Variants in COMT observed in about 807,000 individuals in gnomAD.
COMT encodes the protein catechol O-methyltransferase.
Under a neutral mutation model 18.9 loss-of-function variants are expected in COMT, and 13 were observed. That is an observed-to-expected ratio of 0.69 (90% CI 0.45 to 1.09). The LOEUF (loss-of-function observed/expected upper bound fraction) is 1.09. COMT is among the 50% of genes least tolerant of loss of function. The pLI, the probability that COMT is intolerant of heterozygous loss-of-function variation, is 0.00. For synonymous variants in COMT, 150 were observed against 160.9 expected, an observed-to-expected ratio of 0.93 and a Z score of 0.51; for missense variants, 329 against 361.8, an observed-to-expected ratio of 0.91 and a Z score of 0.73.
At chr22:19,945,931 C>T (rs137931806) in intron 1 of COMT, among the ~76,000 whole-genome samples, 1,573 of 152,246 alleles carry the variant, frequency 0.01, 15 homozygotes, top group African/African-American at 0.035. Context: ...TCCCAAAGTA[C>T]TGGGATTACA....
chr22:19,953,972 GA>G (rs1942003655), intron 1 of COMT, among the ~76,000 whole-genome samples: 1 of 152,094 alleles, frequency 6.6e-6, no homozygotes, highest in Admixed American at 6.5e-5. Context: ...GAAGGGAGGG[GA>G]GGGGGCCCCG....
Position 19,968,743 on chromosome 22 carries a change from C to CG in COMT, c.*7_*8insG. ...CAGCGAAGCAGGGCCCTGACTGCCC[C>CG]CCCGGCCCCCCTCTCGGGCTCTCTC... On this transcript the variant is annotated 3_prime_UTR_variant, in exon 6 of 6. Transcript: ENST00000361682. 1.2e-6 allele frequency: 2 copies of CG among 1,607,958 alleles called. No individual in the cohort carries two copies. The highest frequency in any genetic ancestry group is 1.1e-5 in the South Asian group (1 of 90,822).
At chr22:19,963,513 G>A (rs1439637475) in intron 3 of COMT, 53 bp from the exon 4 acceptor site, 20 of 1,595,900 alleles carry the variant, frequency 1.3e-5, no homozygotes, top group African/African-American at 2.7e-5. Flanking sequence ...GGGGATCCAA[G>A]TTCCCCTCTC....
intron 1 of COMT, among the ~76,000 whole-genome samples, chr22:19,944,204 T>C (rs1941797207): frequency 6.6e-6 from 1 of 152,160 alleles, no homozygotes; most frequent in Non-Finnish European, 1.5e-5. Context: ...TGGTAAGGGC[T>C]GACGTGTAGG....
intron 2 of COMT, 67 bp from the exon 3 acceptor site, chr22:19,962,460 C>G: frequency 6.5e-7 from 1 of 1,547,562 alleles, no homozygotes; most frequent in Non-Finnish European, 8.7e-7. Context: ...GCACTCCAAG[C>G]AAAGGGGCGT....
At chr22:19,945,205 C>T (rs1941816667) in intron 1 of COMT, among the ~76,000 whole-genome samples, 1 of 152,200 alleles carries the variant, frequency 6.6e-6, no homozygotes, top group Admixed American at 6.5e-5. Flanking sequence ...TTCCTCTCTT[C>T]TCGAGGTCCC....
intron 1 of COMT, among the ~76,000 whole-genome samples, chr22:19,956,137 C>CTTTTTTTTTTTTTTT (rs71186638): frequency 1.5e-4 from 13 of 84,816 alleles, no homozygotes; most frequent in African/African-American, 1.9e-4. Flanking sequence ...TTCTTTTTTT[C>CTTTTTTTTTTTTTTT]TTTTTTTTTT....
At chr22:19,963,784 G>A (rs1431066059) in intron 4 of COMT, 25 bp downstream of exon 4, 2 of 1,604,240 alleles carry the variant, frequency 1.2e-6, no homozygotes, top group Admixed American at 3.4e-5. Context: ...CCCGTTGTCA[G>A]ACCTGGAAAA....
chr22:19,959,056 C>A (rs1236754105), intron 1 of COMT, among the ~76,000 whole-genome samples: 2 of 152,182 alleles, frequency 1.3e-5, no homozygotes, highest in African/African-American at 4.8e-5. Context: ...CCAGACCACA[C>A]AGCCAAAGTA....
intron 1 of COMT, among the ~76,000 whole-genome samples, chr22:19,955,372 G>C (rs1942035257): frequency 6.6e-6 from 1 of 152,198 alleles, no homozygotes; most frequent in Non-Finnish European, 1.5e-5. Flanking sequence ...GTGCTGCCTG[G>C]CCTGTCTCTA....
chr22:19,958,967 C>A (rs1044213818), intron 1 of COMT, among the ~76,000 whole-genome samples: 1 of 152,128 alleles, frequency 6.6e-6, no homozygotes, highest in Non-Finnish European at 1.5e-5. Flanking sequence ...CGGCCTGCAC[C>A]CCACCGCCCC....
At chr22:19,943,250 T>C (rs1376628398) in intron 1 of COMT, among the ~76,000 whole-genome samples, 1 of 152,244 alleles carries the variant, frequency 6.6e-6, no homozygotes, top group Non-Finnish European at 1.5e-5. Context: ...GTCCATTTTC[T>C]GTTCTGTGTT....
intron 1 of COMT, among the ~76,000 whole-genome samples, chr22:19,957,347 G>C (rs984643708): frequency 6.6e-6 from 1 of 152,182 alleles, no homozygotes; most frequent in Non-Finnish European, 1.5e-5. Context: ...GGGAGTTCAA[G>C]GCTGCAGCTG....
At chr22:19,943,229 C>T (rs1215210162) in intron 1 of COMT, among the ~76,000 whole-genome samples, 3 of 152,222 alleles carry the variant, frequency 2.0e-5, no homozygotes, top group Admixed American at 2.0e-4. Context: ...TCTTTCCTCT[C>T]AACAGTCCCC....
rs1480698560 is a variant in COMT at position 19,962,698 on chromosome 22, C to T, written c.172C>T (p.Arg58Cys). 12 of 1,613,594 alleles carry T rather than the reference C, an allele frequency of 7.4e-6. No homozygotes were observed. Among genetic ancestry groups the T allele is most frequent in the South Asian group, 5.5e-5 (5 of 91,066 alleles). Reference sequence around the variant, plus strand: ...GCTCATGGGTGACACCAAGGAGCAGCGCATCCTGAACCACGTGCTGCAGCA... The same window carrying T: ...GCTCATGGGTGACACCAAGGAGCAGTGCATCCTGAACCACGTGCTGCAGCA... The part of the protein sequence containing the change: ...NLLMGDTKEQ[R>C]ILNHVLQHAE... The change falls in exon 3 of 6, where the codon CGC becomes TGC. Residue 58 changes from arginine to cysteine, a missense_variant. Arg to Cys is a radical substitution (Grantham distance 180). Coordinates refer to ENST00000361682, the MANE Select transcript of COMT (RefSeq NM_000754.4).
At chr22:19,968,069 T>C (rs1942519149) in intron 5 of COMT, among the ~76,000 whole-genome samples, 1 of 152,110 alleles carries the variant, frequency 6.6e-6, no homozygotes, top group Non-Finnish European at 1.5e-5. Context: ...GGCTTGTTGA[T>C]GGGAGGTCTG....
At chr22:19,960,196 C>CA (rs1230675691) in intron 1 of COMT, among the ~76,000 whole-genome samples, 8 of 152,242 alleles carry the variant, frequency 5.3e-5, no homozygotes, top group Non-Finnish European at 1.2e-4. Flanking sequence ...CAAGGTCTAC[C>CA]AAGTAATTTG....
At chr22:19,962,909 C>A in intron 3 of COMT, 94 bp downstream of exon 3, 2 of 1,457,214 alleles carry the variant, frequency 1.4e-6, no homozygotes, top group African/African-American at 1.4e-5. Context: ...CACCCCATTT[C>A]CAGGGGGCTG....
At chr22:19,957,559 T>C (rs997087150) in intron 1 of COMT, among the ~76,000 whole-genome samples, 1 of 152,254 alleles carries the variant, frequency 6.6e-6, no homozygotes, top group Non-Finnish European at 1.5e-5. Context: ...GGCCTGGCAC[T>C]GAGGCCCAGA....
Sources: allele counts gnomAD v4.1 joint callset (sites outside exome capture counted in the v4.1 genomes callset), GRCh38; gene constraint gnomAD v4.1.1; transcripts MANE v1.5; gene names NCBI Gene and HGNC (gene_info 2026-07-23, HGNC 2026-07-21).